TENM2: variants seen among roughly 807,000 people sequenced by gnomAD.
TENM2 encodes the protein teneurin-2.
Under a neutral mutation model 245.2 loss-of-function variants are expected in TENM2, and 52 were observed. The ratio of observed to expected loss-of-function variants is 0.21; its 90% confidence interval spans 0.17 to 0.27. The LOEUF is 0.27. Among genes scored for constraint, TENM2 ranks in the 10% least tolerant of loss-of-function variants. TENM2 has a pLI of 1.00. For missense variants in TENM2, 3,046 were observed against 3,666.8 expected (o/e 0.83, Z 4.37); for synonymous variants, 1,363 against 1,438.9 (o/e 0.95, Z 1.19).
the TENM2 span, among the ~76,000 whole-genome samples, chr5:167,152,702 T>G: frequency 4.6e-5 from 7 of 152,176 alleles, no homozygotes; most frequent in Admixed American, 1.3e-4. Flanking sequence ...AACCTCATAA[T>G]GGAGGCAGCT....
intron 2 of TENM2, among the ~76,000 whole-genome samples, chr5:167,722,570 T>C (rs528273366): frequency 3.5e-4 from 54 of 152,198 alleles, no homozygotes; most frequent in Non-Finnish European, 5.6e-4. Flanking sequence ...CGTCAGGAGA[T>C]CGAGACCATC....
At chr5:168,258,775 A>G (rs1767919391) in intron 27 of TENM2, among the ~76,000 whole-genome samples, 1 of 152,188 alleles carries the variant, frequency 6.6e-6, no homozygotes, top group African/African-American at 2.4e-5. Flanking sequence ...GGTGATGAAA[A>G]TGTTCTGAAA....
chr5:168,090,557 C>T lies in TENM2; in HGVS notation c.1516-17C>T, dbSNP rs1206212257. 6.2e-7 allele frequency: 1 copy of T among 1,608,960 alleles called. No individual in the cohort carries two copies. The highest frequency in any genetic ancestry group is 8.5e-7 in the Non-Finnish European group (1 of 1,177,888). On this transcript the variant is annotated splice_polypyrimidine_tract_variant and intron_variant, in intron 7 of 28. Coordinates refer to ENST00000518659, the Ensembl canonical transcript of TENM2. ...CACACCTTGTCTCATGCATGGTACT[C>T]TCTCTCCTTTTCCCAGTATGACTTC...
chr5:167,376,437 A>G (rs1760756616), intron 2 of TENM2, among the ~76,000 whole-genome samples: 1 of 152,304 alleles, frequency 6.6e-6, no homozygotes, highest in African/African-American at 2.4e-5. Flanking sequence ...GAGCAGCTTT[A>G]AGTATTTCCT....
At chr5:167,265,952 G>T in the TENM2 span, among the ~76,000 whole-genome samples, 1 of 151,970 alleles carries the variant, frequency 6.6e-6, no homozygotes, top group African/African-American at 2.4e-5. Context: ...CATGAAACTG[G>T]CATTGCAATG....
chr5:167,007,779 T>A, the TENM2 span, among the ~76,000 whole-genome samples: 2 of 152,208 alleles, frequency 1.3e-5, no homozygotes, highest in Non-Finnish European at 2.9e-5. This position sits in a 1 kb window ranked among gnomAD's most constrained non-coding sequence, Gnocchi z 4.2. Flanking sequence ...AATAAGCCAC[T>A]GTGCCACAGG....
chr5:167,544,561 G>T (rs896758599), intron 2 of TENM2, among the ~76,000 whole-genome samples: 26 of 152,246 alleles, frequency 1.7e-4, no homozygotes, highest in African/African-American at 6.0e-4. Flanking sequence ...TGAGACTCAT[G>T]CTTTTTGAAT....
intron 2 of TENM2, among the ~76,000 whole-genome samples, chr5:167,744,393 A>G (rs1040577436): frequency 2.0e-5 from 3 of 152,174 alleles, no homozygotes; most frequent in Admixed American, 1.3e-4. Flanking sequence ...CTGTTGTGAA[A>G]AGAATGAAGC....
At chr5:167,268,569 T>C in the TENM2 span, among the ~76,000 whole-genome samples, 1 of 152,210 alleles carries the variant, frequency 6.6e-6, no homozygotes, top group Non-Finnish European at 1.5e-5. Flanking sequence ...TGAAGCTATT[T>C]GACCAGAATT....
the TENM2 span, among the ~76,000 whole-genome samples, chr5:167,039,564 A>G: frequency 2.0e-5 from 3 of 151,786 alleles, no homozygotes; most frequent in South Asian, 6.2e-4. Flanking sequence ...TTGTATAGTC[A>G]TATTTTGCTT....
intron 2 of TENM2, among the ~76,000 whole-genome samples, chr5:167,829,303 T>C (rs1768260075): frequency 6.6e-6 from 1 of 152,250 alleles, no homozygotes; most frequent in African/African-American, 2.4e-5. Context: ...TGCCTCATGT[T>C]CCTGGCTTGC....
At chr5:167,908,841 CACAGA>C (rs1246658325) in intron 3 of TENM2, among the ~76,000 whole-genome samples, 3 of 151,640 alleles carry the variant, frequency 2.0e-5, no homozygotes, top group African/African-American at 7.3e-5. Flanking sequence ...AGGAAGCTAC[CACAGA>C]TCAGAGTTAA....
In TENM2 at chr5:167,346,609, C is replaced by T. The variant is rs147197995; in HGVS notation, c.227-28589C>T. ...TTGTAGCCTCTGCCAAGAACTGTGA[C>T]GGTTCTGAGATTTCACCCTACTTGT... is the stretch of plus-strand genomic sequence containing the variant. On this transcript the variant is annotated intron_variant, in intron 1 of 28. Coordinates refer to ENST00000518659, the Ensembl canonical transcript of TENM2. 1.1e-4 allele frequency among the ~76,000 whole-genome samples: 16 copies of T among 152,274 alleles called. No homozygotes were observed. In the East Asian group the frequency reaches 2.9e-3, roughly 28 times the overall value.
At chr5:168,208,226 T>C (rs1762521793) in intron 19 of TENM2, among the ~76,000 whole-genome samples, 1 of 152,256 alleles carries the variant, frequency 6.6e-6, no homozygotes, top group Non-Finnish European at 1.5e-5. Context: ...GCTTAGCTCC[T>C]TTTAATAAAC....
At chr5:167,254,325 C>T in the TENM2 span, among the ~76,000 whole-genome samples, 37 of 152,154 alleles carry the variant, frequency 2.4e-4, 1 homozygote, top group Admixed American at 2.3e-3. Context: ...GAAAGAAAGG[C>T]ATTTGTGTCA....
chr5:167,531,171 A>G (rs1458441561), intron 2 of TENM2, among the ~76,000 whole-genome samples: 1 of 152,116 alleles, frequency 6.6e-6, no homozygotes, highest in Non-Finnish European at 1.5e-5. Flanking sequence ...TTCCCCCCTT[A>G]TACCTCTCAG....
chr5:168,244,451 A>G lies in TENM2; in HGVS notation c.5552A>G (p.Tyr1851Cys). The change falls in exon 26 of 29, where the codon TAT becomes TGT. Residue 1851 changes from tyrosine (Y) to cysteine (C), a missense_variant. Physicochemically the swap from Tyr to Cys is radical, Grantham distance 194. Coordinates refer to ENST00000518659, the Ensembl canonical transcript of TENM2. The surrounding 1 kb of genome is among the most constrained non-coding windows in gnomAD (Gnocchi z 4.9). ...GGAAGAAATCTCTTGTCCATTGACT[A>G]TGATCGAAATATTCGGACTGAAAAG... 6.4e-7 allele frequency: 1 copy of G among 1,574,122 alleles called. No homozygotes were observed. Among genetic ancestry groups the G allele is most frequent in the Non-Finnish European group, 8.7e-7 (1 of 1,153,498 alleles).
At chr5:167,715,704 T>C (rs1487139045) in intron 2 of TENM2, among the ~76,000 whole-genome samples, 1 of 152,174 alleles carries the variant, frequency 6.6e-6, no homozygotes, top group Non-Finnish European at 1.5e-5. Context: ...TCACATTTTC[T>C]TTAGAGTCAA....
chr5:167,091,684 A>C, the TENM2 span, among the ~76,000 whole-genome samples: 1 of 152,340 alleles, frequency 6.6e-6, no homozygotes, highest in South Asian at 2.1e-4. Context: ...TAAATGAATA[A>C]AAGACATTAT....
Sources: gnomAD v4.1 joint callset for allele counts (sites outside exome capture counted in the v4.1 genomes callset) on GRCh38, gnomAD v4.1.1 for gene constraint, Gnocchi (gnomAD v3.1) non-coding constraint, MANE v1.5 for transcripts, NCBI Gene and HGNC (gene_info 2026-07-23, HGNC 2026-07-21) for gene names.